MCMBP: variants seen among roughly 807,000 people sequenced by gnomAD.
The protein encoded by MCMBP is mini-chromosome maintenance complex-binding protein.
MCMBP carries 31 observed loss-of-function variants against 81.3 expected under a neutral mutation model. The ratio of observed to expected loss-of-function variants is 0.38; its 90% confidence interval spans 0.29 to 0.51. The LOEUF is 0.51. Ranked by LOEUF, MCMBP falls within the 20% of genes least tolerant of loss-of-function variation. The pLI is 0.87. For missense variants in MCMBP, 645 were observed against 772.1 expected (o/e 0.84, Z 1.95); for synonymous variants, 267 against 275.9 (o/e 0.97, Z 0.32).
Position 119,862,738 on chromosome 10 carries a change from ATGAT to A in MCMBP, c.59-2858_59-2855del, listed in dbSNP as rs1445174339. Among the ~76,000 whole-genome samples the A allele has an allele frequency of 3.3e-5, 5 of 152,240 alleles. No homozygotes were observed. In the South Asian group the frequency reaches 6.2e-4, roughly 19 times the overall value. On this transcript the variant is annotated intron_variant, in intron 1 of 15. Transcript: ENST00000369077. ...ACACAGTTGAGTACATGGTAAATGTATGATTAAGATTCTACCTGTCTTCCAGAGT... is the reference window on the plus strand; with the variant it reads ...ACACAGTTGAGTACATGGTAAATGTATAAGATTCTACCTGTCTTCCAGAGT...
chr10:119,872,981 G>A (rs1017563498), upstream of MCMBP: 5 of 151,986 alleles, frequency 3.3e-5, no homozygotes, highest in African/African-American at 1.2e-4. Context: ...CCATCTTGGA[G>A]ACGGGCAAAA....
chr10:119,842,425 C>CCA (rs776172174), intron 10 of MCMBP, 47 bp downstream of exon 10: 1 of 1,576,822 alleles, frequency 6.3e-7, no homozygotes, highest in South Asian at 1.2e-5. Flanking sequence ...TCTTCCACTT[C>CCA]CACACACACC....
intron 1 of MCMBP, among the ~76,000 whole-genome samples, chr10:119,860,612 G>C (rs1253730699): frequency 1.3e-5 from 2 of 152,032 alleles, no homozygotes; most frequent in African/African-American, 4.8e-5. Context: ...TCAGTTACAG[G>C]ACCCAGCTTA....
At chr10:119,868,891 T>G (rs1320450719) in intron 1 of MCMBP, among the ~76,000 whole-genome samples, 2 of 152,050 alleles carry the variant, frequency 1.3e-5, no homozygotes, top group African/African-American at 4.8e-5. Context: ...AAAGGTTCAG[T>G]GCGGCTGGGA....
chr10:119,862,632 A>G (rs1487853104), intron 1 of MCMBP, among the ~76,000 whole-genome samples: 1 of 152,214 alleles, frequency 6.6e-6, no homozygotes, highest in Non-Finnish European at 1.5e-5. Context: ...TGACAACTAT[A>G]AACAAAACTA....
At chr10:119,850,725 G>C (rs2134371274) in intron 6 of MCMBP, among the ~76,000 whole-genome samples, 2 of 144,908 alleles carry the variant, frequency 1.4e-5, no homozygotes, top group Middle Eastern at 7.1e-3. Context: ...CTCCAGTCTG[G>C]GTGACAGAGC....
At chr10:119,850,876 T>TCTG (rs1852799176) in intron 6 of MCMBP, among the ~76,000 whole-genome samples, 5 of 142,092 alleles carry the variant, frequency 3.5e-5, no homozygotes, top group Non-Finnish European at 7.8e-5. Flanking sequence ...CAAGATCTGT[T>TCTG]TTTTTTTTTT....
chr10:119,872,361 G>A (rs886695183), intron 1 of MCMBP, among the ~76,000 whole-genome samples, 166 bp downstream of exon 1: 3 of 152,066 alleles, frequency 2.0e-5, no homozygotes, highest in South Asian at 2.1e-4. Context: ...TGCTGCGACC[G>A]GGGGAGAGGC....
chr10:119,868,357 C>T (rs557383966), intron 1 of MCMBP, among the ~76,000 whole-genome samples: 2 of 152,020 alleles, frequency 1.3e-5, no homozygotes, highest in Admixed American at 6.6e-5. Flanking sequence ...ACCCAGAAGG[C>T]GGAGGTTGCA....
chr10:119,872,365 G>T (rs1412230513), intron 1 of MCMBP, among the ~76,000 whole-genome samples, 162 bp downstream of exon 1: 1 of 151,976 alleles, frequency 6.6e-6, no homozygotes, highest in East Asian at 1.9e-4. Context: ...GCGACCGGGG[G>T]AGAGGCTGTC....
At chr10:119,850,575 C>T (rs2134370840) in intron 6 of MCMBP, among the ~76,000 whole-genome samples, 1 of 151,716 alleles carries the variant, frequency 6.6e-6, no homozygotes, top group East Asian at 2.0e-4. Context: ...CGGTGAAACC[C>T]CGTCTCTACT....
chr10:119,842,768 T>G (rs1339230070), intron 9 of MCMBP, 173 bp from the exon 10 acceptor site: 1 of 129,048 alleles, frequency 7.7e-6, no homozygotes, highest in African/African-American at 3.0e-5. Flanking sequence ...TGCATCCTCC[T>G]TTTTTTTTTT....
chr10:119,859,732 G>C (rs899415932), intron 2 of MCMBP, 67 bp downstream of exon 2: 1 of 981,214 alleles, frequency 1.0e-6, no homozygotes, highest in Non-Finnish European at 1.5e-6. Context: ...GGGTTACTTA[G>C]TTACTCTACT....
chr10:119,840,657 A>C (rs1852400686), intron 11 of MCMBP, among the ~76,000 whole-genome samples, 186 bp downstream of exon 11: 1 of 152,242 alleles, frequency 6.6e-6, no homozygotes. Flanking sequence ...CTTAGGCAAA[A>C]AGACAAAAAA....
In MCMBP at chr10:119,830,187, G is replaced by C. The variant is rs980194800; in HGVS notation, c.*1287C>G. On this transcript the variant is annotated 3_prime_UTR_variant, in exon 16 of 16. Coordinates refer to ENST00000369077, the MANE Select transcript of MCMBP (RefSeq NM_001256378.2). Reference sequence around the variant, plus strand: ...TTTTCAAGGCTGACCCTGTTTCCTTGGTTAACAATTTCAATTTAGGCCTTA... The same window carrying C: ...TTTTCAAGGCTGACCCTGTTTCCTTCGTTAACAATTTCAATTTAGGCCTTA... 3 of 152,704 alleles carry C rather than the reference G, an allele frequency of 2.0e-5. No individual in the cohort carries two copies. The highest frequency in any genetic ancestry group is 7.2e-5 in the African/African-American group (3 of 41,544). 9.5% of individuals were successfully genotyped at this position (152,704 alleles called of 1,614,324 possible).
chr10:119,841,620 T>C (rs751093553), intron 10 of MCMBP, among the ~76,000 whole-genome samples: 1 of 152,238 alleles, frequency 6.6e-6, no homozygotes, highest in East Asian at 1.9e-4. Context: ...CAAGGATGTA[T>C]ACATATGTAA....
intron 14 of MCMBP, among the ~76,000 whole-genome samples, chr10:119,832,414 C>T (rs949696425): frequency 6.6e-6 from 1 of 152,150 alleles, no homozygotes. Flanking sequence ...ACTGTTAACA[C>T]TGATCAAAAT....
chr10:119,852,779 A>T (rs1852878594), intron 6 of MCMBP, among the ~76,000 whole-genome samples: 1 of 152,258 alleles, frequency 6.6e-6, no homozygotes, highest in South Asian at 2.1e-4. Context: ...TCTGTATTAA[A>T]AATAAATATG....
rs534125058 is a variant in MCMBP at position 119,830,936 on chromosome 10, G to A, written c.*538C>T. On this transcript the variant is annotated 3_prime_UTR_variant, in exon 16 of 16. Transcript: ENST00000369077. ...ATGTTAAGTGGGAAAAAGTTTCTGTGGCCAAACATCTGGGAAATGACAGTA... is the reference window on the plus strand; with the variant it reads ...ATGTTAAGTGGGAAAAAGTTTCTGTAGCCAAACATCTGGGAAATGACAGTA... 1 of 152,484 alleles carries A rather than the reference G, an allele frequency of 6.6e-6. No individual in the cohort carries two copies. The highest frequency in any genetic ancestry group is 2.4e-5 in the African/African-American group (1 of 41,524). The allele number at this position is 152,484 out of a possible 1,614,324, so 9.4% of individuals were successfully genotyped here. A position where few individuals can be genotyped will look rare whatever the true frequency, so the allele number is the denominator to read the frequency against.
Sources: allele counts gnomAD v4.1 joint callset (sites outside exome capture counted in the v4.1 genomes callset), GRCh38; gene constraint gnomAD v4.1.1; transcripts MANE v1.5; gene names NCBI Gene and HGNC (gene_info 2026-07-23, HGNC 2026-07-21).